Variants in GRID1 observed in about 807,000 individuals in gnomAD.
The protein encoded by GRID1 is glutamate ionotropic receptor delta type subunit 1.
In GRID1, 28 loss-of-function variants were observed where a neutral mutation model predicts 98.0. That is an observed-to-expected ratio of 0.29 (90% confidence interval 0.21 to 0.39). The LOEUF (loss-of-function observed/expected upper bound fraction) is 0.39, where lower values mean the gene tolerates loss of function less well. Among genes scored for constraint, GRID1 ranks in the 10% least tolerant of loss-of-function variants. GRID1 has a pLI of 1.00. For missense variants in GRID1, 1,111 were observed against 1,340.5 expected, an observed-to-expected ratio of 0.83 and a Z score of 2.67; for synonymous variants, 553 against 538.5, an observed-to-expected ratio of 1.03 and a Z score of -0.37.
At chr10:86,296,534 T>C (rs547287082) in intron 2 of GRID1, among the ~76,000 whole-genome samples, 3 of 151,792 alleles carry the variant, frequency 2.0e-5, no homozygotes, top group Non-Finnish European at 4.4e-5. Context: ...AGATCAGGAG[T>C]TCAAGACCAG....
intron 6 of GRID1, among the ~76,000 whole-genome samples, chr10:85,860,715 C>G (rs1212369862): frequency 6.6e-6 from 1 of 152,234 alleles, no homozygotes; most frequent in East Asian, 1.9e-4. Flanking sequence ...TTGCTCACTG[C>G]TGGACCCCAG....
intron 4 of GRID1, among the ~76,000 whole-genome samples, chr10:85,997,139 C>T (rs1315320076): frequency 1.3e-5 from 2 of 152,162 alleles, no homozygotes; most frequent in African/African-American, 4.8e-5. Context: ...TGGTGGCTCA[C>T]GCCTGTAATC....
At chr10:85,793,450 C>A (rs1842498934) in intron 8 of GRID1, among the ~76,000 whole-genome samples, 1 of 152,174 alleles carries the variant, frequency 6.6e-6, no homozygotes, top group Non-Finnish European at 1.5e-5. Flanking sequence ...CTCTTGGAGA[C>A]AAAGACCATA....
intron 2 of GRID1, among the ~76,000 whole-genome samples, chr10:86,314,319 C>G (rs1421550833): frequency 6.6e-6 from 1 of 152,196 alleles, no homozygotes; most frequent in Admixed American, 6.5e-5. Flanking sequence ...GGACAGGTCC[C>G]AAGGGTTGTC....
chr10:85,760,978 C>T (rs983961016), intron 8 of GRID1, among the ~76,000 whole-genome samples: 4 of 152,194 alleles, frequency 2.6e-5, no homozygotes, highest in Non-Finnish European at 4.4e-5. Context: ...CAGCACCATG[C>T]ACTGAGAACC....
At chr10:85,940,461 A>G (rs1159479546) in intron 4 of GRID1, among the ~76,000 whole-genome samples, 1 of 152,222 alleles carries the variant, frequency 6.6e-6, no homozygotes, top group Non-Finnish European at 1.5e-5. Flanking sequence ...TATTGGGATG[A>G]ATAATAAATG....
intron 8 of GRID1, among the ~76,000 whole-genome samples, chr10:85,848,458 A>C (rs948277408): frequency 6.6e-6 from 1 of 152,154 alleles, no homozygotes; most frequent in East Asian, 1.9e-4. Context: ...TCCACTGAAA[A>C]AATCATAGTT....
chr10:85,946,467 T>G (rs1842054756), intron 4 of GRID1, among the ~76,000 whole-genome samples: 1 of 152,244 alleles, frequency 6.6e-6, no homozygotes, highest in Non-Finnish European at 1.5e-5. Flanking sequence ...TCTAATAATT[T>G]TCTTTGACAC....
intron 2 of GRID1, among the ~76,000 whole-genome samples, chr10:86,308,731 G>A (rs996369080): frequency 7.2e-5 from 11 of 152,156 alleles, no homozygotes; most frequent in Non-Finnish European, 1.5e-4. Context: ...CAAGGTTGAG[G>A]GGCCCACATC....
At chr10:86,020,939 CACAG>C (rs1243614016) in intron 4 of GRID1, among the ~76,000 whole-genome samples, 2 of 152,126 alleles carry the variant, frequency 1.3e-5, no homozygotes, top group Non-Finnish European at 2.9e-5. Flanking sequence ...TAAATGAACA[CACAG>C]AGATGAGAAA....
At position 85,724,584 on chromosome 10, in the gene GRID1, C is replaced by A; in HGVS notation, c.1626G>T (p.Gly542=). The change falls in exon 11 of 16, where the codon GGG becomes GGT. Residue 542 remains glycine, a synonymous_variant. Transcript: ENST00000327946. Reference sequence around the variant, plus strand: ...TCTCCTCGGGCTTCTTAATTAGAATCCCCACTGAATAGTCCATGTACCGCT... The same window carrying A: ...TCTCCTCGGGCTTCTTAATTAGAATACCCACTGAATAGTCCATGTACCGCT... The part of the protein sequence containing the change: ...FSKRYMDYSV[G]ILIKKPEEKI... 2 of 1,613,440 alleles carry A rather than the reference C, an allele frequency of 1.2e-6. No homozygotes were observed. The highest frequency in any genetic ancestry group is 1.7e-5 in the Admixed American group (1 of 60,022).
At chr10:85,736,527 T>G (rs1429140428) in intron 8 of GRID1, among the ~76,000 whole-genome samples, 1 of 152,200 alleles carries the variant, frequency 6.6e-6, no homozygotes, top group Admixed American at 6.5e-5. Context: ...ATAAGAGCTA[T>G]GTTCTCATCA....
chr10:85,636,761 T>C (rs773126906), intron 13 of GRID1, among the ~76,000 whole-genome samples: 1 of 152,162 alleles, frequency 6.6e-6, no homozygotes, highest in Non-Finnish European at 1.5e-5. Flanking sequence ...GACAAATAAA[T>C]ATTCTTTTGA....
At chr10:86,165,989 A>G (rs1845392829) in intron 3 of GRID1, among the ~76,000 whole-genome samples, 1 of 152,246 alleles carries the variant, frequency 6.6e-6, no homozygotes, top group Non-Finnish European at 1.5e-5. Flanking sequence ...CCAAAATGCT[A>G]AAGACACGGG....
At chr10:85,900,821 C>G (rs536862918) in intron 5 of GRID1, among the ~76,000 whole-genome samples, 6 of 151,960 alleles carry the variant, frequency 3.9e-5, no homozygotes, top group Non-Finnish European at 7.4e-5. Flanking sequence ...ACATGTATGA[C>G]GAATGAACAA....
chr10:86,047,342 A>G (rs1843437952), intron 4 of GRID1, among the ~76,000 whole-genome samples: 1 of 152,226 alleles, frequency 6.6e-6, no homozygotes. Flanking sequence ...ACACATTATT[A>G]AAACATAAGC....
At chr10:86,042,202 G>T (rs1843356358) in intron 4 of GRID1, among the ~76,000 whole-genome samples, 1 of 152,246 alleles carries the variant, frequency 6.6e-6, no homozygotes, top group Non-Finnish European at 1.5e-5. Flanking sequence ...CTTCCAGAAA[G>T]ATGGCTTTCG....
intron 4 of GRID1, among the ~76,000 whole-genome samples, chr10:86,097,355 A>G (rs574126273): frequency 2.6e-5 from 4 of 152,374 alleles, no homozygotes; most frequent in African/African-American, 9.6e-5. Flanking sequence ...AATGCAAATT[A>G]AAAGAGGATG....
intron 4 of GRID1, among the ~76,000 whole-genome samples, chr10:86,040,306 C>A (rs1331615151): frequency 6.6e-6 from 1 of 152,022 alleles, no homozygotes; most frequent in Admixed American, 6.5e-5. Flanking sequence ...ACGTTTATTG[C>A]AGTGCTATTC....
Sources: allele counts gnomAD v4.1 joint callset (sites outside exome capture counted in the v4.1 genomes callset), GRCh38; gene constraint gnomAD v4.1.1; transcripts MANE v1.5; gene names NCBI Gene and HGNC (gene_info 2026-07-23, HGNC 2026-07-21).